The following SCHIP1 variants were observed in gnomAD, a reference collection of about 807,000 sequenced individuals.
SCHIP1 encodes schwannomin interacting protein 1.
SCHIP1 carries 8 observed loss-of-function variants against 29.7 expected under a neutral mutation model. That is an observed-to-expected ratio of 0.27 (90% CI 0.16 to 0.49). The LOEUF (loss-of-function observed/expected upper bound fraction) is 0.49, where lower values mean the gene tolerates loss of function less well. SCHIP1 is among the 20% of genes least tolerant of loss of function. The probability of loss-of-function intolerance (pLI) is 0.99; values close to 1 mark genes in which losing one functional copy is unlikely to be tolerated. For synonymous variants in SCHIP1, 76 were observed against 94.9 expected, an observed-to-expected ratio of 0.80 and a Z score of 1.16; for missense variants, 193 against 294.6, an observed-to-expected ratio of 0.66 and a Z score of 2.52.
chr3:159,856,815 GT>G lies in SCHIP1; in HGVS notation c.31-9340del, dbSNP rs1023642627. ...AAGTGAAGCCACAGCTGCGCCTCAT[GT>G]TTTTTTTAAAAGGTGAATGGAAATG... On this transcript the variant is annotated intron_variant, in intron 1 of 6. Transcript: ENST00000445224. Among the ~76,000 whole-genome samples the G allele has an allele frequency of 4.6e-5, 7 of 152,138 alleles. 1 individual carries two copies. Among genetic ancestry groups the G allele is most frequent in the African/African-American group, 7.2e-5 (3 of 41,438 alleles).
the SCHIP1 span, among the ~76,000 whole-genome samples, chr3:159,396,853 T>C: frequency 6.6e-6 from 1 of 151,756 alleles, no homozygotes. Flanking sequence ...ATTTCCTGAA[T>C]CTGAACGTTG....
At chr3:159,408,398 G>GACA in the SCHIP1 span, among the ~76,000 whole-genome samples, 1 of 55,890 alleles carries the variant, frequency 1.8e-5, no homozygotes, top group Non-Finnish European at 4.0e-5. Context: ...ATTTTGCAAT[G>GACA]ATAAAAAAAA....
At chr3:159,503,724 T>A in the SCHIP1 span, among the ~76,000 whole-genome samples, 11 of 152,290 alleles carry the variant, frequency 7.2e-5, no homozygotes, top group African/African-American at 2.6e-4. Context: ...CAATTATACC[T>A]TTTCAACATT....
chr3:159,523,574 C>CGT, the SCHIP1 span, among the ~76,000 whole-genome samples: 530 of 151,704 alleles, frequency 3.5e-3, 3 homozygotes, highest in South Asian at 6.7e-3. Flanking sequence ...TAAGTGTGTG[C>CGT]GTGTGTGTGT....
chr3:159,540,299 G>T, the SCHIP1 span, among the ~76,000 whole-genome samples: 1 of 151,982 alleles, frequency 6.6e-6, no homozygotes, highest in Non-Finnish European at 1.5e-5. Flanking sequence ...TTCTTTCCTT[G>T]AATCTGTACA....
the SCHIP1 span, among the ~76,000 whole-genome samples, chr3:159,569,603 A>G: frequency 2.0e-4 from 30 of 152,230 alleles, no homozygotes; most frequent in African/African-American, 7.0e-4. Context: ...AGTCTTTGCT[A>G]TTGTGAATAG....
the SCHIP1 span, among the ~76,000 whole-genome samples, chr3:159,289,361 T>A: frequency 6.6e-6 from 1 of 152,196 alleles, no homozygotes; most frequent in African/African-American, 2.4e-5. Flanking sequence ...CTCTTCATAT[T>A]GCCTCAGCCA....
At chr3:159,814,087 G>C in the SCHIP1 span, among the ~76,000 whole-genome samples, 2 of 152,180 alleles carry the variant, frequency 1.3e-5, no homozygotes, top group South Asian at 4.1e-4. Flanking sequence ...GCAGCTGACA[G>C]TGCTCAGCTG....
At chr3:159,727,950 T>C in the SCHIP1 span, among the ~76,000 whole-genome samples, 724 of 152,028 alleles carry the variant, frequency 4.8e-3, 10 homozygotes, top group Admixed American at 0.022. Flanking sequence ...TGTTTGTTTG[T>C]TTGTTTTTTG....
chr3:159,606,305 G>A, the SCHIP1 span, among the ~76,000 whole-genome samples: 10 of 152,146 alleles, frequency 6.6e-5, no homozygotes, highest in Middle Eastern at 3.4e-3. Context: ...AAAAAAGTGG[G>A]AAGGAGATGT....
At chr3:159,784,281 T>A in the SCHIP1 span, among the ~76,000 whole-genome samples, 1 of 152,234 alleles carries the variant, frequency 6.6e-6, no homozygotes, top group Admixed American at 6.5e-5. Flanking sequence ...GTTCATCTGG[T>A]CATGGGTTAG....
At chr3:159,848,598 AT>A (rs373063746) in intron 1 of SCHIP1, among the ~76,000 whole-genome samples, 3 of 150,166 alleles carry the variant, frequency 2.0e-5, no homozygotes, top group South Asian at 2.1e-4. Flanking sequence ...GCTGATAATG[AT>A]TTTTTTTTTC....
chr3:159,533,796 A>T, the SCHIP1 span, among the ~76,000 whole-genome samples: 1 of 152,236 alleles, frequency 6.6e-6, no homozygotes, highest in Admixed American at 6.5e-5. Flanking sequence ...GCCAATTAAA[A>T]TGTATCCCTA....
chr3:159,524,582 G>T, the SCHIP1 span, among the ~76,000 whole-genome samples: 3 of 152,196 alleles, frequency 2.0e-5, no homozygotes, highest in African/African-American at 7.2e-5. Context: ...ATAAATTGCT[G>T]CCTTCCTTGA....
the SCHIP1 span, among the ~76,000 whole-genome samples, chr3:159,711,093 C>T: frequency 1.3e-5 from 2 of 152,130 alleles, no homozygotes; most frequent in Non-Finnish European, 2.9e-5. Context: ...TCAGTAAAAA[C>T]AGTTCTAACT....
the SCHIP1 span, among the ~76,000 whole-genome samples, chr3:159,821,740 G>T: frequency 2.0e-5 from 3 of 152,192 alleles, no homozygotes; most frequent in African/African-American, 7.2e-5. Context: ...ATTAAGTCAA[G>T]AACTTTTACC....
At chr3:159,564,625 C>T in the SCHIP1 span, among the ~76,000 whole-genome samples, 4 of 152,172 alleles carry the variant, frequency 2.6e-5, no homozygotes, top group Non-Finnish European at 4.4e-5. Flanking sequence ...ATCCACCCGC[C>T]GTGGCCTCCC....
chr3:159,608,991 C>A, the SCHIP1 span, among the ~76,000 whole-genome samples: 3 of 152,258 alleles, frequency 2.0e-5, no homozygotes, highest in Middle Eastern at 3.4e-3. Flanking sequence ...ATTCATCATA[C>A]CTAGATAAAT....
At chr3:159,634,348 ATGTAAG>A in the SCHIP1 span, among the ~76,000 whole-genome samples, 1 of 152,204 alleles carries the variant, frequency 6.6e-6, no homozygotes, top group African/African-American at 2.4e-5. Flanking sequence ...GAAATAAACT[ATGTAAG>A]TGTATTACTT....
Sources: gnomAD v4.1 joint callset for allele counts (sites outside exome capture counted in the v4.1 genomes callset) on GRCh38, gnomAD v4.1.1 for gene constraint, MANE v1.5 for transcripts, NCBI Gene and HGNC (gene_info 2026-07-23, HGNC 2026-07-21) for gene names.